JMJD1C: variants seen among roughly 807,000 people sequenced by gnomAD.
The protein encoded by JMJD1C is jumonji domain-containing protein 1C.
A neutral mutation model predicts 245.3 loss-of-function variants in JMJD1C; 31 were observed. The ratio of observed to expected loss-of-function variants is 0.13; its 90% CI spans 0.09 to 0.17. The LOEUF (loss-of-function observed/expected upper bound fraction) is 0.17, where lower values mean the gene tolerates loss of function less well. Among genes scored for constraint, JMJD1C ranks in the 10% least tolerant of loss-of-function variants. The probability of loss-of-function intolerance (pLI) is 1.00; values close to 1 mark genes in which losing one functional copy is unlikely to be tolerated. For synonymous variants in JMJD1C, 1,057 were observed against 1,017.4 expected (o/e 1.04, Z -0.74); for missense variants, 2,691 against 3,000.2 (o/e 0.90, Z 2.41).
At chr10:63,493,728 T>C (rs1954257008) in intron 1 of JMJD1C, among the ~76,000 whole-genome samples, 2 of 152,220 alleles carry the variant, frequency 1.3e-5, no homozygotes, top group Admixed American at 1.3e-4. Flanking sequence ...GTTCTCTTTT[T>C]GAACATAAAT....
chr10:63,293,455 A>C (rs1271998148), intron 2 of JMJD1C, among the ~76,000 whole-genome samples: 3 of 152,180 alleles, frequency 2.0e-5, no homozygotes, highest in Admixed American at 6.5e-5. Flanking sequence ...ATTCACTGCT[A>C]CCATTCTCTC....
intron 1 of JMJD1C, among the ~76,000 whole-genome samples, chr10:63,405,271 G>C (rs897513398): frequency 1.3e-5 from 2 of 151,614 alleles, no homozygotes; most frequent in African/African-American, 2.4e-5. Context: ...TAATACATGG[G>C]AGAGTCAGAA....
chr10:63,256,015 G>A (rs1189565901), intron 3 of JMJD1C, among the ~76,000 whole-genome samples: 3 of 152,112 alleles, frequency 2.0e-5, no homozygotes, highest in East Asian at 1.9e-4. Flanking sequence ...AACTAGTGAT[G>A]GCTTAGAGTC....
At chr10:63,363,853 ATTTTT>A (rs759663605) in intron 2 of JMJD1C, among the ~76,000 whole-genome samples, 2 of 126,470 alleles carry the variant, frequency 1.6e-5, no homozygotes, top group Admixed American at 8.7e-5. Flanking sequence ...TGCCTGGCTA[ATTTTT>A]TTTTTTTTTT....
Position 63,395,377 on chromosome 10 carries a change from C to A in JMJD1C, c.169-14895G>T, listed in dbSNP as rs1215360443. Among the ~76,000 whole-genome samples, 5 of 152,184 alleles carry A rather than the reference C, an allele frequency of 3.3e-5. No homozygotes were observed. The East Asian group carries it at 9.7e-4, about 29-fold the overall frequency. ...CCTGTAGTCCTAGCTACTCAGGAGG[C>A]TGAGGCAGGAGAATGGCGTGAACCC... On this transcript the variant is annotated intron_variant, in intron 1 of 25. Coordinates refer to ENST00000399262, the MANE Select transcript of JMJD1C (RefSeq NM_032776.3).
intron 1 of JMJD1C, among the ~76,000 whole-genome samples, chr10:63,457,831 TTG>T (rs1267400059): frequency 2.0e-5 from 3 of 152,194 alleles, no homozygotes; most frequent in Non-Finnish European, 4.4e-5. Flanking sequence ...CACTTACTGA[TTG>T]TGTGATTTCA....
chr10:63,485,321 A>G (rs1371243436), intron 1 of JMJD1C, among the ~76,000 whole-genome samples: 1 of 152,004 alleles, frequency 6.6e-6, no homozygotes, highest in African/African-American at 2.4e-5. Context: ...CTCTTTCTAT[A>G]CCTATTCTTT....
chr10:63,406,932 G>A (rs1252295131), intron 1 of JMJD1C, among the ~76,000 whole-genome samples: 1 of 152,132 alleles, frequency 6.6e-6, no homozygotes, highest in African/African-American at 2.4e-5. Context: ...GGTTTCAACA[G>A]ATTGAAAAGA....
intron 1 of JMJD1C, among the ~76,000 whole-genome samples, chr10:63,509,908 C>T (rs1475571199): frequency 1.3e-5 from 2 of 151,892 alleles, no homozygotes; most frequent in Non-Finnish European, 2.9e-5. Flanking sequence ...CTGATTCCTG[C>T]TCTAACTTTT....
intron 24 of JMJD1C, among the ~76,000 whole-genome samples, chr10:63,172,203 T>C (rs1474445353): frequency 6.6e-6 from 1 of 152,244 alleles, no homozygotes; most frequent in Non-Finnish European, 1.5e-5. Context: ...TATTTAGATA[T>C]AACATTTTTT....
intron 2 of JMJD1C, among the ~76,000 whole-genome samples, chr10:63,338,640 A>ATTT (rs34238197): frequency 0.044 from 4,190 of 95,056 alleles, 401 homozygotes; most frequent in African/African-American, 0.14. Flanking sequence ...TGCTCCTTAG[A>ATTT]TTTTTTTTTT....
At chr10:63,368,750 G>C (rs1946061363) in intron 2 of JMJD1C, among the ~76,000 whole-genome samples, 1 of 152,042 alleles carries the variant, frequency 6.6e-6, no homozygotes, top group Non-Finnish European at 1.5e-5. Flanking sequence ...GTAGTCTCAT[G>C]ATCTCAGCTC....
In JMJD1C at chr10:63,296,457, C is replaced by T. The variant is rs974790732; in HGVS notation, c.334-31693G>A. Among the ~76,000 whole-genome samples, 98 of 152,106 alleles carry T rather than the reference C, an allele frequency of 6.4e-4. 3 individuals are homozygous for T. Among genetic ancestry groups the T allele is most frequent in the Admixed American group, 1.3e-4 (2 of 15,264 alleles). ...AAAAAACATTAGGCAGTACTCGGCA[C>T]TACATTTGGGGAGTATTTTAAACAG... On this transcript the variant is annotated intron_variant, in intron 2 of 25. Coordinates refer to ENST00000399262, the MANE Select transcript of JMJD1C (RefSeq NM_032776.3).
intron 22 of JMJD1C, among the ~76,000 whole-genome samples, chr10:63,180,422 T>C (rs1226322928): frequency 6.6e-6 from 1 of 152,178 alleles, no homozygotes; most frequent in Non-Finnish European, 1.5e-5. Flanking sequence ...CTAATAAATC[T>C]AGACAAATAA....
At chr10:63,489,404 A>T (rs1289527903) in intron 1 of JMJD1C, 1 of 152,248 alleles carries the variant, frequency 6.6e-6, no homozygotes, top group Non-Finnish European at 1.5e-5. Flanking sequence ...CTGTCTCAAA[A>T]ATAAATAAAT....
At position 63,215,174 on chromosome 10, in the gene JMJD1C, G is replaced by A. The variant is rs753893868; in HGVS notation, c.1016-23C>T. Reference sequence around the variant, plus strand: ...TTTCTGTAGGATTAAAGAAAGAAGAGTCTTATTTTTCATACTAAATAAGCA... The same window carrying A: ...TTTCTGTAGGATTAAAGAAAGAAGAATCTTATTTTTCATACTAAATAAGCA... On this transcript the variant is annotated intron_variant, in intron 7 of 25. Transcript: ENST00000399262. 52 of 1,510,934 alleles carry A rather than the reference G, an allele frequency of 3.4e-5. 1 individual carries two copies. The South Asian group carries it at 5.0e-4, about 14-fold the overall frequency. 93.6% of individuals were successfully genotyped at this position (1,510,934 alleles called of 1,614,324 possible).
At chr10:63,271,484 A>G (rs1856292026) in intron 2 of JMJD1C, among the ~76,000 whole-genome samples, 1 of 152,128 alleles carries the variant, frequency 6.6e-6, no homozygotes, top group Non-Finnish European at 1.5e-5. Context: ...GGATGTAAAT[A>G]GTCTTTTATT....
At chr10:63,225,048 G>A (rs139582279) in intron 3 of JMJD1C, among the ~76,000 whole-genome samples, 408 of 151,722 alleles carry the variant, frequency 2.7e-3, no homozygotes, top group Non-Finnish European at 4.3e-3. Flanking sequence ...GAGACAGAGC[G>A]AGACTCTGTC....
At chr10:63,179,299 C>G (rs772579276) in intron 22 of JMJD1C, among the ~76,000 whole-genome samples, 22 of 151,752 alleles carry the variant, frequency 1.4e-4, no homozygotes, top group Non-Finnish European at 2.6e-4. Flanking sequence ...ATCCCAGCTA[C>G]TAGGGAGGCT....
Sources: gnomAD v4.1 joint callset for allele counts (sites outside exome capture counted in the v4.1 genomes callset) on GRCh38, gnomAD v4.1.1 for gene constraint, MANE v1.5 for transcripts, NCBI Gene and HGNC (gene_info 2026-07-23, HGNC 2026-07-21) for gene names.